The following DMD variants were observed in gnomAD, a reference collection of about 807,000 sequenced individuals.
DMD encodes the protein dystrophin.
Under a neutral mutation model 330.1 loss-of-function variants are expected in DMD, and 63 were observed. The observed-to-expected ratio is 0.19, with a 90% CI of 0.16 to 0.24. The LOEUF is 0.24. Among genes scored for constraint, DMD ranks in the 10% least tolerant of loss-of-function variants. The pLI is 1.00. For synonymous variants in DMD, 1,223 were observed against 959.8 expected (o/e 1.27, Z -5.07); for missense variants, 3,344 against 2,684.1 (o/e 1.25, Z -5.43).
At chrX:31,844,282 T>C (rs182200872) in intron 48 of DMD, among the ~76,000 whole-genome samples, 22 of 97,200 alleles carry the variant, frequency 2.3e-4, no homozygotes, top group African/African-American at 7.4e-4. Flanking sequence ...GTTTATTGAG[T>C]AGGGAGTCCT....
intron 7 of DMD, among the ~76,000 whole-genome samples, chrX:32,705,133 A>T (rs1019570886): frequency 8.9e-6 from 1 of 112,150 alleles, no homozygotes; most frequent in Admixed American, 9.5e-5. Context: ...TATACAATAG[A>T]TATACAACAT....
At chrX:31,760,300 G>C (rs1044000174) in intron 51 of DMD, among the ~76,000 whole-genome samples, 1 of 111,865 alleles carries the variant, frequency 8.9e-6, no homozygotes, top group Admixed American at 9.5e-5. Context: ...GACATAAAAA[G>C]CTATACACAT....
chrX:31,137,387 A>C (rs1186237042), intron 76 of DMD, among the ~76,000 whole-genome samples: 1 of 111,880 alleles, frequency 8.9e-6, no homozygotes, highest in African/African-American at 3.3e-5. Context: ...CAACTCATTG[A>C]AAAATGCTTA....
intron 17 of DMD, among the ~76,000 whole-genome samples, chrX:32,533,643 G>A (rs1408046286): frequency 8.9e-6 from 1 of 112,218 alleles, no homozygotes. Flanking sequence ...TAAAGTAACT[G>A]GAGTGTTTTA....
rs140806275 is a variant in DMD at position 31,653,374 on chromosome X, C to T, written c.8027+4616G>A. Among the ~76,000 whole-genome samples the T allele has an allele frequency of 1.4e-3, 156 of 111,371 alleles. 1 individual carries two copies. The highest frequency in any genetic ancestry group is 4.8e-3 in the African/African-American group (146 of 30,708). The stretch of plus-strand genomic sequence containing the variant: ...ATACACGTATATGTATATATGTACA[C>T]ACATACATGTACACACATGTACATG... On this transcript the variant is annotated intron_variant, in intron 54 of 78. Transcript: ENST00000357033.
chrX:32,085,682 A>G (rs113352683), intron 44 of DMD, among the ~76,000 whole-genome samples: 18,471 of 88,752 alleles, frequency 0.21, 2,150 homozygotes, highest in East Asian at 0.32. Context: ...ACACACGCGT[A>G]TATATATACG....
At chrX:32,329,454 G>A (rs191336116) in intron 41 of DMD, among the ~76,000 whole-genome samples, 169 of 112,022 alleles carry the variant, frequency 1.5e-3, no homozygotes, top group African/African-American at 5.3e-3. Context: ...GTTTAAAGAA[G>A]AGGAGGGCTT....
At chrX:32,012,068 C>G (rs938334084) in intron 44 of DMD, among the ~76,000 whole-genome samples, 1 of 112,244 alleles carries the variant, frequency 8.9e-6, no homozygotes, top group Non-Finnish European at 1.9e-5. Flanking sequence ...CATTTCTATT[C>G]TCATTCCTGG....
chrX:33,124,712 G>A (rs1569555873), intron 1 of DMD, among the ~76,000 whole-genome samples: 1 of 109,385 alleles, frequency 9.1e-6, no homozygotes, highest in East Asian at 2.9e-4. Context: ...TCAGATTTAT[G>A]CTCTAAAATT....
At chrX:32,364,434 G>T in intron 36 of DMD, 148 bp downstream of exon 36, 1 of 652,427 alleles carries the variant, frequency 1.5e-6, no homozygotes, top group Non-Finnish European at 2.4e-6. Context: ...TCCATTCAAA[G>T]GGGGAAGGAA....
intron 4 of DMD, among the ~76,000 whole-genome samples, chrX:32,836,156 C>G (rs11095241): frequency 0.44 from 47,683 of 107,244 alleles, 8,159 homozygotes; most frequent in African/African-American, 0.55. Context: ...CTCAGCCTCC[C>G]CAGTAGCTGG....
At chrX:32,969,039 AAAAAAAAAAAAAAAAAAG>A (rs1360205764) in intron 2 of DMD, among the ~76,000 whole-genome samples, 1 of 93,503 alleles carries the variant, frequency 1.1e-5, no homozygotes, top group African/African-American at 3.8e-5. Context: ...AAAAAAAAAA[AAAAAAAAAAAAAAAAAAG>A]AACCTAGAAC....
At chrX:31,314,764 G>GAAAGAGAGAA (rs1424885557) in intron 62 of DMD, among the ~76,000 whole-genome samples, 4 of 96,350 alleles carry the variant, frequency 4.2e-5, no homozygotes, top group East Asian at 3.2e-4. Context: ...GAGAGAGAGA[G>GAAAGAGAGAA]AGAGAGAGAG....
rs778002282 is a variant in DMD at position 33,080,440 on chromosome X, T to G, written c.32-60240A>C. 3.6e-5 allele frequency among the ~76,000 whole-genome samples: 4 copies of G among 112,075 alleles called. No individual in the cohort carries two copies. The East Asian group carries it at 8.4e-4, about 23-fold the overall frequency. On this transcript the variant is annotated intron_variant, in intron 1 of 78. Coordinates refer to ENST00000357033, the MANE Select transcript of DMD (RefSeq NM_004006.3). The stretch of plus-strand genomic sequence containing the variant: ...CAAAAGCCATATTCCTATGCCTTAT[T>G]ATCTTTCACCAAAAACACATTCCCT...
intron 44 of DMD, among the ~76,000 whole-genome samples, chrX:32,169,289 T>G (rs2096879086): frequency 8.9e-6 from 1 of 111,788 alleles, no homozygotes; most frequent in Non-Finnish European, 1.9e-5. Context: ...AATCATTGTT[T>G]AGAAATAATT....
intron 76 of DMD, among the ~76,000 whole-genome samples, chrX:31,144,662 T>C (rs1314015823): frequency 9.3e-6 from 1 of 107,315 alleles, no homozygotes; most frequent in Admixed American, 1.0e-4. Flanking sequence ...TGTAAGTGTA[T>C]GGAATCAAGG....
At chrX:31,129,921 T>C (rs780283837) in intron 77 of DMD, among the ~76,000 whole-genome samples, 1 of 111,708 alleles carries the variant, frequency 9.0e-6, no homozygotes, top group Non-Finnish European at 1.9e-5. Flanking sequence ...GGGTATTTGA[T>C]AGAATGTACG....
intron 41 of DMD, among the ~76,000 whole-genome samples, chrX:32,322,313 C>T (rs1417494900): frequency 9.0e-6 from 1 of 111,655 alleles, no homozygotes; most frequent in Non-Finnish European, 1.9e-5. Context: ...AATCCCAGCA[C>T]TTTAGGAGGC....
At chrX:33,180,985 G>A (rs1314537749) in intron 1 of DMD, among the ~76,000 whole-genome samples, 2 of 109,414 alleles carry the variant, frequency 1.8e-5, no homozygotes, top group Non-Finnish European at 3.8e-5. Flanking sequence ...TTCGTTACAT[G>A]AGCAAAGGAA....
Sources: gnomAD v4.1 joint callset for allele counts (sites outside exome capture counted in the v4.1 genomes callset) on GRCh38, gnomAD v4.1.1 for gene constraint, MANE v1.5 for transcripts, NCBI Gene and HGNC (gene_info 2026-07-23, HGNC 2026-07-21) for gene names.